The following FNBP1 variants were observed in gnomAD, a reference collection of about 807,000 sequenced individuals.
FNBP1 encodes the protein formin-binding protein 1.
In FNBP1, 26 loss-of-function variants were observed where a neutral mutation model predicts 90.6. That is an observed-to-expected ratio of 0.29 (90% CI 0.21 to 0.40). The LOEUF is 0.40. Ranked by LOEUF, FNBP1 falls within the 10% of genes least tolerant of loss-of-function variation. The pLI, the probability that FNBP1 is intolerant of heterozygous loss-of-function variation, is 1.00. For missense variants in FNBP1, 635 were observed against 768.0 expected (o/e 0.83, Z 2.05); for synonymous variants, 260 against 265.2 (o/e 0.98, Z 0.19).
intron 12 of FNBP1, among the ~76,000 whole-genome samples, chr9:129,905,368 G>A (rs2131430921): frequency 6.6e-6 from 1 of 151,310 alleles, no homozygotes; most frequent in Non-Finnish European, 1.5e-5. Context: ...CTGGAATGCA[G>A]TGGTATGATC....
chr9:129,923,137 A>C (rs976115951), intron 10 of FNBP1, among the ~76,000 whole-genome samples: 1 of 152,150 alleles, frequency 6.6e-6, no homozygotes, highest in Non-Finnish European at 1.5e-5. Context: ...TGCTAGGATT[A>C]CAGATGTGAA....
In FNBP1 at chr9:130,042,626, G is replaced by A. The variant is rs1340737862; in HGVS notation, c.24+326C>T. Among the ~76,000 whole-genome samples, 1 of 151,628 alleles carries A rather than the reference G, an allele frequency of 6.6e-6. No homozygotes were observed. The highest frequency in any genetic ancestry group is 1.5e-5 in the Non-Finnish European group (1 of 67,802). ...TCCCGGCCCTCCCCGGGCATCCGCGGCTCGCCCCGGGGGATTAGGGCTCGG... is the reference window on the plus strand; with the variant it reads ...TCCCGGCCCTCCCCGGGCATCCGCGACTCGCCCCGGGGGATTAGGGCTCGG... On this transcript the variant is annotated intron_variant, in intron 1 of 16. Transcript: ENST00000446176. This position sits in a 1 kb window ranked among gnomAD's most constrained non-coding sequence, Gnocchi z 5.5.
intron 10 of FNBP1, among the ~76,000 whole-genome samples, chr9:129,922,178 A>AT (rs1380838940): frequency 6.6e-6 from 1 of 152,196 alleles, no homozygotes; most frequent in Non-Finnish European, 1.5e-5. Flanking sequence ...TATAAAAGAT[A>AT]TTTTGGGAAG....
At chr9:129,891,350 G>A (rs4837427) in intron 16 of FNBP1, among the ~76,000 whole-genome samples, 84,386 of 151,932 alleles carry the variant, frequency 0.56, 23,770 homozygotes, top group East Asian at 0.77. Flanking sequence ...TGTAGTCCCG[G>A]CTATTCGGGA....
rs1285100073 is a variant in FNBP1, at chr9:130,031,938, A to G, written c.24+11014T>C. Reference sequence around the variant, plus strand: ...CGGCCTTCCAAAGTGCTGGTATTACAGGAGTGAGCCACTGCGCCTGGCCTG... The same window carrying G: ...CGGCCTTCCAAAGTGCTGGTATTACGGGAGTGAGCCACTGCGCCTGGCCTG... On this transcript the variant is annotated intron_variant, in intron 1 of 16. Coordinates refer to ENST00000446176, the MANE Select transcript of FNBP1 (RefSeq NM_015033.3). This position sits in a 1 kb window ranked among gnomAD's most constrained non-coding sequence, Gnocchi z 4.2. Among the ~76,000 whole-genome samples, 1 of 152,156 alleles carries G rather than the reference A, an allele frequency of 6.6e-6. No individual in the cohort carries two copies. Among genetic ancestry groups the G allele is most frequent in the Non-Finnish European group, 1.5e-5 (1 of 68,030 alleles).
At chr9:129,977,155 T>C (rs1175468130) in intron 4 of FNBP1, among the ~76,000 whole-genome samples, 1 of 148,540 alleles carries the variant, frequency 6.7e-6, no homozygotes, top group Non-Finnish European at 1.5e-5. Flanking sequence ...TGAAACTCCG[T>C]CTCAAAAAAA....
At chr9:130,017,722 C>T (rs1054473941) in intron 1 of FNBP1, among the ~76,000 whole-genome samples, 2 of 151,376 alleles carry the variant, frequency 1.3e-5, no homozygotes, top group Non-Finnish European at 2.9e-5. Context: ...CCCAGCTACT[C>T]TGGAGGCTAA....
At chr9:129,904,722 T>A (rs1340167004) in intron 12 of FNBP1, among the ~76,000 whole-genome samples, 1 of 152,126 alleles carries the variant, frequency 6.6e-6, no homozygotes, top group Non-Finnish European at 1.5e-5. Context: ...ATTTCCTTCC[T>A]GCCTTCTTTC....
chr9:129,970,554 CTT>C (rs1330387939), intron 4 of FNBP1, among the ~76,000 whole-genome samples: 1 of 152,134 alleles, frequency 6.6e-6, no homozygotes, highest in African/African-American at 2.4e-5. Flanking sequence ...AGGAAGAAAG[CTT>C]TGAAAAATGA....
chr9:129,941,666 C>T (rs908707783), intron 6 of FNBP1, among the ~76,000 whole-genome samples: 1 of 152,222 alleles, frequency 6.6e-6, no homozygotes. Flanking sequence ...GGTCTTCCTA[C>T]GTTGCCCAGC....
chr9:129,957,831 G>C lies in FNBP1; in HGVS notation c.409-367C>G, dbSNP rs531302903. On this transcript the variant is annotated intron_variant, in intron 5 of 16. Coordinates refer to ENST00000446176, the MANE Select transcript of FNBP1 (RefSeq NM_015033.3). The surrounding 1 kb of genome is among the most constrained non-coding windows in gnomAD (Gnocchi z 4.3). ...GCCTCCCAAATTGCTGGGATTACAG[G>C]CGTGAGCCAATGTGTCTGGCCCAAG... 2.0e-5 allele frequency among the ~76,000 whole-genome samples: 3 copies of C among 152,252 alleles called. No individual in the cohort carries two copies.
intron 1 of FNBP1, among the ~76,000 whole-genome samples, chr9:130,009,008 T>C (rs1326950861): frequency 6.6e-6 from 1 of 152,192 alleles, no homozygotes; most frequent in East Asian, 1.9e-4. Flanking sequence ...AGCTAAATTA[T>C]TAATGAGAAG....
chr9:129,905,879 C>CTTTT (rs35439760), intron 12 of FNBP1, among the ~76,000 whole-genome samples: 2 of 145,392 alleles, frequency 1.4e-5, no homozygotes, highest in Admixed American at 6.9e-5. Flanking sequence ...AGGCATATTT[C>CTTTT]TTTTTTTTTT....
chr9:129,957,507 C>G lies in FNBP1; in HGVS notation c.409-43G>C, dbSNP rs368369442. Reference sequence around the variant, plus strand: ...TAATTATGAAACCATAAGAGTCCTACGAGAAGATGTAATTTTATCTAAAGC... The same window carrying G: ...TAATTATGAAACCATAAGAGTCCTAGGAGAAGATGTAATTTTATCTAAAGC... On this transcript the variant is annotated intron_variant, in intron 5 of 16. Coordinates refer to ENST00000446176, the MANE Select transcript of FNBP1 (RefSeq NM_015033.3). The surrounding 1 kb of genome is among the most constrained non-coding windows in gnomAD (Gnocchi z 4.3). 1 of 1,387,100 alleles carries G rather than the reference C, an allele frequency of 7.2e-7. No homozygotes were observed. Among genetic ancestry groups the G allele is most frequent in the Non-Finnish European group, 1.0e-6 (1 of 984,516 alleles). 85.9% of individuals were successfully genotyped at this position (1,387,100 alleles called of 1,614,324 possible).
At chr9:130,001,235 G>A in intron 1 of FNBP1, among the ~76,000 whole-genome samples, 1 of 150,320 alleles carries the variant, frequency 6.7e-6, no homozygotes, top group East Asian at 2.0e-4. Context: ...GGGAGACTGA[G>A]ATGGGAGAAT....
intron 12 of FNBP1, among the ~76,000 whole-genome samples, chr9:129,905,609 G>A (rs956936415): frequency 6.6e-6 from 1 of 151,548 alleles, no homozygotes; most frequent in Admixed American, 6.6e-5. Flanking sequence ...ATGCCCAGCC[G>A]CTTCTATTTC....
At chr9:130,033,627 A>T (rs956360364) in intron 1 of FNBP1, among the ~76,000 whole-genome samples, 3 of 150,176 alleles carry the variant, frequency 2.0e-5, no homozygotes, top group African/African-American at 7.4e-5. Context: ...ACTTGAGGTC[A>T]AAAGTTCAAG....
chr9:129,923,711 G>GT (rs11290705), intron 10 of FNBP1, 133 bp downstream of exon 10: 88,153 of 717,262 alleles, frequency 0.12, 4 homozygotes, highest in Middle Eastern at 0.14. Flanking sequence ...AATGGTTTTT[G>GT]TTTTTTTTTT....
chr9:129,910,639 TA>T (rs1440689801), intron 11 of FNBP1, among the ~76,000 whole-genome samples: 1 of 152,080 alleles, frequency 6.6e-6, no homozygotes, highest in African/African-American at 2.4e-5. Context: ...GAGACCCAGT[TA>T]ATGTAATTCC....
Sources: allele counts gnomAD v4.1 joint callset (sites outside exome capture counted in the v4.1 genomes callset), GRCh38; gene constraint gnomAD v4.1.1; non-coding constraint Gnocchi (gnomAD v3.1); transcripts MANE v1.5; gene names NCBI Gene and HGNC (gene_info 2026-07-23, HGNC 2026-07-21).